Variants in ERCC6 observed in about 807,000 individuals in gnomAD.
The protein encoded by ERCC6 is DNA excision repair protein ERCC-6.
ERCC6 carries 116 observed loss-of-function variants against 158.7 expected under a neutral mutation model. That is an observed-to-expected ratio of 0.73 (90% CI 0.63 to 0.85). The LOEUF (loss-of-function observed/expected upper bound fraction) is 0.85. Ranked by LOEUF, ERCC6 falls within the 40% of genes least tolerant of loss-of-function variation. ERCC6 has a pLI of 0.00. For synonymous variants in ERCC6, 678 were observed against 659.3 expected (o/e 1.03, Z -0.43); for missense variants, 1,698 against 1,799.4 (o/e 0.94, Z 1.02).
At chr10:49,518,887 T>A (rs1442394826) in intron 5 of ERCC6, among the ~76,000 whole-genome samples, 1 of 152,162 alleles carries the variant, frequency 6.6e-6, no homozygotes, top group Non-Finnish European at 1.5e-5. Flanking sequence ...ATCACCCCTT[T>A]ACATCTCAGA....
rs1344070217 is a variant in ERCC6, at chr10:49,482,733, G to A, written c.2123C>T (p.Ser708Phe). 3.7e-6 allele frequency: 6 copies of A among 1,613,698 alleles called. No individual in the cohort carries two copies. Among genetic ancestry groups the A allele is most frequent in the Non-Finnish European group, 5.1e-6 (6 of 1,179,984 alleles). ...GTLPVFMEQF[S>F]VPITMGGYSN... ...ATATCCCCCCATGGTGATGGGGACG[G>A]AGAACTGCTCCATAAACACAGGCAA... Residue 708 changes from serine to phenylalanine, a missense_variant, in exon 10 of 21, where the codon TCC becomes TTC. Ser to Phe is a radical substitution (Grantham distance 155). Transcript: ENST00000355832.
chr10:49,456,843 G>A lies in ERCC6; in HGVS notation c.*1972C>T, dbSNP rs1342964662. The A allele has an allele frequency of 3.3e-5, 5 of 151,032 alleles. No homozygotes were observed. Among genetic ancestry groups the A allele is most frequent in the East Asian group, 1.9e-4 (1 of 5,168 alleles). The allele number at this position is 151,032 out of a possible 1,614,324, so 9.4% of individuals were successfully genotyped here. A position where few individuals can be genotyped will look rare whatever the true frequency, so the allele number is the denominator to read the frequency against. The stretch of plus-strand genomic sequence containing the variant: ...CCAAGTCCCTCCAGCCAGGAGGCAC[G>A]GTAACAATGTGTCAGATCTCCACAC... On this transcript the variant is annotated 3_prime_UTR_variant, in exon 21 of 21. Coordinates refer to ENST00000355832, the MANE Select transcript of ERCC6 (RefSeq NM_000124.4).
intron 7 of ERCC6, 45 bp from the exon 8 acceptor site, chr10:49,493,297 TAC>T (rs1486163598): frequency 6.2e-7 from 1 of 1,612,460 alleles, no homozygotes; most frequent in African/African-American, 1.3e-5. Context: ...AAAGAGCATA[TAC>T]AGTCATCAAC....
At chr10:49,513,837 T>C (rs866180682) in intron 5 of ERCC6, among the ~76,000 whole-genome samples, 3 of 152,052 alleles carry the variant, frequency 2.0e-5, no homozygotes, top group Admixed American at 6.5e-5. Flanking sequence ...TCAATACTAT[T>C]GTTATTCTCT....
intron 5 of ERCC6, among the ~76,000 whole-genome samples, chr10:49,517,575 C>A (rs1461507603): frequency 6.6e-6 from 1 of 152,114 alleles, no homozygotes; most frequent in East Asian, 1.9e-4. Flanking sequence ...AAAAGTGTAA[C>A]TTTTTCTTTC....
In ERCC6 at chr10:49,474,010, G is replaced by C; in HGVS notation, c.2598+17C>G. On this transcript the variant is annotated intron_variant, in intron 13 of 20. Transcript: ENST00000355832. ...TAAAGAACCAGCCTGTTTCCCGTCT[G>C]AAGTCTGTGCACTCACCTGCCTTGA... 1 of 1,609,796 alleles carries C rather than the reference G, an allele frequency of 6.2e-7. No individual in the cohort carries two copies. Among genetic ancestry groups the C allele is most frequent in the Non-Finnish European group, 8.5e-7 (1 of 1,176,542 alleles).
intron 7 of ERCC6, among the ~76,000 whole-genome samples, chr10:49,500,116 G>A (rs1331483163): frequency 6.6e-6 from 1 of 152,104 alleles, no homozygotes; most frequent in African/African-American, 2.4e-5. Flanking sequence ...ATGCTCACCT[G>A]GTCTCCTGCC....
At chr10:49,523,250 C>A (rs751279337) in intron 5 of ERCC6, among the ~76,000 whole-genome samples, 1 of 152,166 alleles carries the variant, frequency 6.6e-6, no homozygotes, top group Non-Finnish European at 1.5e-5. Flanking sequence ...TTGAAATGCG[C>A]GGCAGTAGCA....
At chr10:49,527,723 C>G (rs1413324664) in intron 4 of ERCC6, among the ~76,000 whole-genome samples, 1 of 152,164 alleles carries the variant, frequency 6.6e-6, no homozygotes, top group Non-Finnish European at 1.5e-5. Flanking sequence ...TTCTTCATAA[C>G]AATTCTCATC....
Position 49,458,717 on chromosome 10 carries a change from A to C in ERCC6, c.*98T>G, listed in dbSNP as rs1850523060. 2.4e-6 allele frequency: 3 copies of C among 1,237,978 alleles called. No homozygotes were observed. Among genetic ancestry groups the C allele is most frequent in the Non-Finnish European group, 3.5e-6 (3 of 852,408 alleles). 76.7% of individuals were successfully genotyped at this position (1,237,978 alleles called of 1,614,324 possible). ...CATCATGCAAACAAACATCAAGTGC[A>C]GCCAACTTCCATTGACAAACATGAT... is the stretch of plus-strand genomic sequence containing the variant. On this transcript the variant is annotated 3_prime_UTR_variant, in exon 21 of 21. Coordinates refer to ENST00000355832, the MANE Select transcript of ERCC6 (RefSeq NM_000124.4).
chr10:49,455,011 C>T lies in ERCC6; in HGVS notation c.*3804G>A, dbSNP rs1368579182. Among the ~76,000 whole-genome samples, 1 of 151,700 alleles carries T rather than the reference C, an allele frequency of 6.6e-6. No homozygotes were observed. Among genetic ancestry groups the T allele is most frequent in the Non-Finnish European group, 1.5e-5 (1 of 67,946 alleles). On this transcript the variant is annotated 3_prime_UTR_variant, in exon 21 of 21. Coordinates refer to ENST00000355832, the MANE Select transcript of ERCC6 (RefSeq NM_000124.4). ...TAATTCATAAGAATGTATTCATGACCCTAGCTAGGGAATGGTTCTTAAATA... is the reference window on the plus strand; with the variant it reads ...TAATTCATAAGAATGTATTCATGACTCTAGCTAGGGAATGGTTCTTAAATA...
Position 49,459,279 on chromosome 10 carries a change from T to G in ERCC6, c.4063-45A>C. 1.3e-6 allele frequency: 2 copies of G among 1,599,888 alleles called. 1 individual carries two copies. Among genetic ancestry groups the G allele is most frequent in the South Asian group, 2.2e-5 (2 of 90,894 alleles). On this transcript the variant is annotated intron_variant, in intron 20 of 20. Transcript: ENST00000355832. ...ATACTGATATATTTAATTTCTAGTT[T>G]ATGCCCCCACTTCCTTCCCCAAAGG...
chr10:49,515,911 G>T, intron 5 of ERCC6: 1 of 1,614,136 alleles, frequency 6.2e-7, no homozygotes, highest in Non-Finnish European at 8.5e-7. Context: ...CCATCAATTC[G>T]ATAATCAAAT....
intron 11 of ERCC6, among the ~76,000 whole-genome samples, 161 bp from the exon 12 acceptor site, chr10:49,476,471 C>T (rs1850880077): frequency 6.6e-6 from 1 of 152,148 alleles, no homozygotes; most frequent in African/African-American, 2.4e-5. Flanking sequence ...CAATACTTCT[C>T]ACCATACCCT....
At chr10:49,451,847 T>C (rs1720674689), downstream of ERCC6, among the ~76,000 whole-genome samples, 1 of 152,218 alleles carries the variant, frequency 6.6e-6, no homozygotes, top group Admixed American at 6.5e-5. Flanking sequence ...AACACAGTGG[T>C]AAAACTGTCT....
chr10:49,537,496 T>C (rs1446202365), intron 1 of ERCC6, among the ~76,000 whole-genome samples: 1 of 141,872 alleles, frequency 7.0e-6, no homozygotes, highest in Non-Finnish European at 1.5e-5. Context: ...ACTATATATA[T>C]ATATATACAC....
the ERCC6 span, among the ~76,000 whole-genome samples, chr10:49,448,219 T>G: frequency 6.6e-6 from 1 of 152,224 alleles, no homozygotes; most frequent in Non-Finnish European, 1.5e-5. Flanking sequence ...TTAAAAAAAT[T>G]ATTATAGTCA....
At chr10:49,440,222 C>T in the ERCC6 span, among the ~76,000 whole-genome samples, 3 of 152,228 alleles carry the variant, frequency 2.0e-5, no homozygotes, top group Admixed American at 2.0e-4. Context: ...ATTGGACTTA[C>T]AGTTCCACAT....
chr10:49,495,664 A>C (rs377579703), intron 7 of ERCC6, among the ~76,000 whole-genome samples: 3 of 152,152 alleles, frequency 2.0e-5, no homozygotes, highest in Admixed American at 1.3e-4. Flanking sequence ...CAATGGAAAG[A>C]ATTTTGTCCC....
Sources: gnomAD v4.1 joint callset for allele counts (sites outside exome capture counted in the v4.1 genomes callset) on GRCh38, gnomAD v4.1.1 for gene constraint, MANE v1.5 for transcripts, NCBI Gene and HGNC (gene_info 2026-07-23, HGNC 2026-07-21) for gene names.